Variants in C7 observed in about 807,000 individuals in gnomAD.
C7 encodes complement C7.
In C7, 83 loss-of-function variants were observed where a neutral mutation model predicts 104.8. The ratio of observed to expected loss-of-function variants is 0.79; its 90% CI spans 0.66 to 0.95. The LOEUF (loss-of-function observed/expected upper bound fraction) is 0.95. Ranked by LOEUF, C7 falls within the 40% of genes least tolerant of loss-of-function variation. C7 has a pLI of 0.00. For missense variants in C7, 1,070 were observed against 1,011.2 expected (o/e 1.06, Z -0.79); for synonymous variants, 415 against 360.6 (o/e 1.15, Z -1.71).
intron 1 of C7, among the ~76,000 whole-genome samples, chr5:40,909,869 C>T (rs1739170376): frequency 6.6e-6 from 1 of 151,640 alleles, no homozygotes; most frequent in Admixed American, 6.6e-5. Context: ...GTCCAGAGGT[C>T]TGGGAATCAG....
chr5:40,983,074 TATA>T lies in C7; in HGVS notation c.*1505_*1507del, dbSNP rs1740984707. ...AGTGTGCCCTAAGGGAAGATGCAGA[TATA>T]ATATGTTGAAGTTACAAGGAGGCAG... On this transcript the variant is annotated 3_prime_UTR_variant, in exon 18 of 18. Transcript: ENST00000313164. 1.3e-5 allele frequency: 2 copies of T among 152,340 alleles called. No individual in the cohort carries two copies. The highest frequency in any genetic ancestry group is 2.9e-5 in the Non-Finnish European group (2 of 68,028). 9.4% of individuals were successfully genotyped at this position (152,340 alleles called of 1,614,324 possible). A position where few individuals can be genotyped will look rare whatever the true frequency, so the allele number is the denominator to read the frequency against.
At chr5:40,927,976 C>T (rs757760733) in intron 1 of C7, among the ~76,000 whole-genome samples, 2 of 152,224 alleles carry the variant, frequency 1.3e-5, no homozygotes, top group East Asian at 3.9e-4. Context: ...CATTTTAGCA[C>T]TATTCACAAT....
At chr5:40,936,876 T>C (rs1739829014) in intron 5 of C7, among the ~76,000 whole-genome samples, 1 of 152,012 alleles carries the variant, frequency 6.6e-6, no homozygotes, top group South Asian at 2.1e-4. Flanking sequence ...GAGAACAGGA[T>C]GAGAAGAGAG....
At chr5:40,956,148 A>C (rs1033083195) in intron 10 of C7, among the ~76,000 whole-genome samples, 3 of 152,240 alleles carry the variant, frequency 2.0e-5, no homozygotes, top group African/African-American at 7.2e-5. Context: ...TGTCACACTC[A>C]TATGAAAAAG....
In C7 at chr5:40,947,803, A is replaced by G. The variant is rs1470335746; in HGVS notation, c.940A>G (p.Arg314Gly). 6.2e-7 allele frequency: 1 copy of G among 1,613,448 alleles called. No homozygotes were observed. Among genetic ancestry groups the G allele is most frequent in the Admixed American group, 1.7e-5 (1 of 59,936 alleles). ...ATCTGGGTCGTTAGGAGGAGAATAC[A>G]GAGTTCTATTTTATGTGGACTCAGA... ...LQSGSLGGEY[R>G]VLFYVDSEKL... Residue 314 changes from arginine (R) to glycine (G), a missense_variant, in exon 8 of 18, where the codon AGA becomes GGA. Transcript: ENST00000313164.
At chr5:40,930,971 C>T (rs1739669301) in intron 2 of C7, 93 bp from the exon 3 acceptor site, 2 of 854,768 alleles carry the variant, frequency 2.3e-6, no homozygotes, top group Admixed American at 2.2e-5. Context: ...TTTGAGGCAA[C>T]ATTTAACTAT....
In C7 at chr5:40,979,818, A is replaced by T. The variant is rs779933161; in HGVS notation, c.2259A>T (p.Arg753Ser). ...CKMHVLHCQG[R>S]NYTLTGRDSC... ...TGCATGTTCTCCACTGTCAGGGTAGAAATTACACCCTTACTGGTAGGGACA... is the reference window on the plus strand; with the variant it reads ...TGCATGTTCTCCACTGTCAGGGTAGTAATTACACCCTTACTGGTAGGGACA... Residue 753 changes from arginine to serine, a missense_variant, in exon 17 of 18, where the codon AGA becomes AGT. Transcript: ENST00000313164. 6.2e-7 allele frequency: 1 copy of T among 1,613,816 alleles called. No individual in the cohort carries two copies. The highest frequency in any genetic ancestry group is 8.5e-7 in the Non-Finnish European group (1 of 1,179,742).
At chr5:40,975,181 T>G (rs1194732257) in intron 15 of C7, among the ~76,000 whole-genome samples, 1 of 152,144 alleles carries the variant, frequency 6.6e-6, no homozygotes, top group Non-Finnish European at 1.5e-5. Context: ...TTCCTTAATA[T>G]TAACATCTTA....
At chr5:40,920,712 G>A (rs1418452364) in intron 1 of C7, among the ~76,000 whole-genome samples, 1 of 152,062 alleles carries the variant, frequency 6.6e-6, no homozygotes, top group Non-Finnish European at 1.5e-5. Context: ...AAAGGGAAGA[G>A]GTCAAGTTAT....
At chr5:40,980,899 C>G (rs1162532387) in intron 17 of C7, among the ~76,000 whole-genome samples, 2 of 152,218 alleles carry the variant, frequency 1.3e-5, no homozygotes, top group African/African-American at 4.8e-5. Context: ...CTGGTGTATT[C>G]CAACCATGGA....
Position 40,937,689 on chromosome 5 carries a change from A to G in C7, c.566A>G (p.Gln189Arg), listed in dbSNP as rs769739953. The change falls in exon 6 of 18, where the codon CAG becomes CGG. Residue 189 changes from glutamine (Q) to arginine (R), a missense_variant and splice_region_variant. Coordinates refer to ENST00000313164, the MANE Select transcript of C7 (RefSeq NM_000587.4). ...GGAAATGTCCTGTCCTATACATTCCAGGTACTTACGACGTTATTGATTTCC... is the reference window on the plus strand; with the variant it reads ...GGAAATGTCCTGTCCTATACATTCCGGGTACTTACGACGTTATTGATTTCC... ...LSGNVLSYTFQVKINNDFNYE... is the reference protein window; with the variant it reads ...LSGNVLSYTFRVKINNDFNYE... 1.3e-6 allele frequency: 2 copies of G among 1,572,438 alleles called. No individual in the cohort carries two copies. The highest frequency in any genetic ancestry group is 8.6e-7 in the Non-Finnish European group (1 of 1,157,804).
intron 10 of C7, 106 bp from the exon 11 acceptor site, chr5:40,957,927 C>T: frequency 1.5e-6 from 1 of 652,580 alleles, no homozygotes; most frequent in Non-Finnish European, 2.5e-6. Flanking sequence ...ACAAACTTGC[C>T]CGTGGCTTTT....
At chr5:40,970,835 A>G (rs925616619) in intron 14 of C7, among the ~76,000 whole-genome samples, 2 of 151,840 alleles carry the variant, frequency 1.3e-5, no homozygotes, top group Non-Finnish European at 2.9e-5. Context: ...TTCAACTCCC[A>G]CTTATGAGTG....
chr5:40,941,627 T>A (rs1739938424), intron 6 of C7, among the ~76,000 whole-genome samples: 1 of 152,128 alleles, frequency 6.6e-6, no homozygotes, highest in South Asian at 2.1e-4. Flanking sequence ...TAATAATCCC[T>A]GAGAGACATA....
At chr5:40,943,739 C>A (rs1376671959) in intron 6 of C7, among the ~76,000 whole-genome samples, 2 of 151,714 alleles carry the variant, frequency 1.3e-5, no homozygotes, top group East Asian at 3.9e-4. Context: ...TCTCCCAGCC[C>A]AAGCTGAATT....
intron 1 of C7, among the ~76,000 whole-genome samples, chr5:40,915,188 A>G (rs1455814411): frequency 6.6e-6 from 1 of 152,230 alleles, no homozygotes; most frequent in Non-Finnish European, 1.5e-5. Flanking sequence ...ATCAGCAGTC[A>G]AACGTCTAAC....
chr5:40,916,548 G>A (rs146497095), intron 1 of C7, among the ~76,000 whole-genome samples: 2 of 152,180 alleles, frequency 1.3e-5, no homozygotes, highest in African/African-American at 2.4e-5. Context: ...GTGGAATAAG[G>A]GATTAAAAGA....
At chr5:40,917,760 G>T (rs763629640) in intron 1 of C7, among the ~76,000 whole-genome samples, 1 of 152,048 alleles carries the variant, frequency 6.6e-6, no homozygotes, top group Non-Finnish European at 1.5e-5. Context: ...CTTCTCCATG[G>T]TTCTTTCACT....
Position 40,937,640 on chromosome 5 carries a change from GGA to G in C7, c.518_519del (p.Gly173GlufsTer21). 1 of 1,610,244 alleles carries G rather than the reference GGA, an allele frequency of 6.2e-7. No homozygotes were observed. Among genetic ancestry groups the G allele is most frequent in the Non-Finnish European group, 8.5e-7 (1 of 1,177,876 alleles). On this transcript the variant is annotated frameshift_variant, in exon 6 of 18. Transcript: ENST00000313164. LOFTEE classifies it high-confidence loss of function. ...ATGTAGAAAGGTGTTTAGTGGGGAT[GGA>G]AAAGATTTCTACAGGCTGAGTGGAA... The part of the protein sequence containing the change: ...GQCRKVFSGD[G>X]KDFYRLSGNV...
Sources: gnomAD v4.1 joint callset for allele counts (sites outside exome capture counted in the v4.1 genomes callset) on GRCh38, gnomAD v4.1.1 for gene constraint, MANE v1.5 for transcripts, NCBI Gene and HGNC (gene_info 2026-07-23, HGNC 2026-07-21) for gene names.